Variants in CCDC180 observed in about 807,000 individuals in gnomAD.
The protein encoded by CCDC180 is coiled-coil domain containing 180.
A neutral mutation model predicts 209.2 loss-of-function variants in CCDC180; 154 were observed. The observed-to-expected ratio is 0.74, with a 90% CI of 0.65 to 0.84. The LOEUF (loss-of-function observed/expected upper bound fraction) is 0.84, where lower values mean the gene tolerates loss of function less well. Among genes scored for constraint, CCDC180 ranks in the 40% least tolerant of loss-of-function variants. The pLI, the probability that CCDC180 is intolerant of heterozygous loss-of-function variation, is 0.00. For synonymous variants in CCDC180, 778 were observed against 749.1 expected (o/e 1.04, Z -0.63); for missense variants, 1,874 against 1,997.3 (o/e 0.94, Z 1.18).
chr9:97,343,629 A>AG (rs1164632251), intron 19 of CCDC180, 66 bp downstream of exon 19: 1 of 980,512 alleles, frequency 1.0e-6, no homozygotes, highest in Non-Finnish European at 1.4e-6. Context: ...TGAAATATTA[A>AG]AAAAAAAAAA....
chr9:97,315,880 A>G (rs975753742), intron 8 of CCDC180, among the ~76,000 whole-genome samples: 13 of 152,230 alleles, frequency 8.5e-5, no homozygotes, highest in African/African-American at 3.1e-4. Context: ...ATGTTCCTCC[A>G]CTTACGATAG....
At chr9:97,314,581 C>T (rs1294131296) in intron 6 of CCDC180, 37 bp from the exon 7 acceptor site, 2 of 1,613,366 alleles carry the variant, frequency 1.2e-6, no homozygotes, top group Non-Finnish European at 1.7e-6. Flanking sequence ...CCCTGCCTCC[C>T]ACCGGCTCCT....
rs542133635 is a variant in CCDC180 at position 97,314,066 on chromosome 9, C to T, written c.460-327C>T. Among the ~76,000 whole-genome samples the T allele has an allele frequency of 2.6e-5, 4 of 152,358 alleles. 1 individual carries two copies. In the South Asian group the frequency reaches 8.3e-4, roughly 32 times the overall value. On this transcript the variant is annotated intron_variant, in intron 5 of 36. Transcript: ENST00000529487. ...TTGGTGAAGCCATCTACCTGAGCCT[C>T]AGTTTCCTCATCTGAAGTAAACCTG...
intron 3 of CCDC180, among the ~76,000 whole-genome samples, chr9:97,310,236 G>A (rs1429139184): frequency 6.6e-6 from 1 of 152,240 alleles, no homozygotes; most frequent in Non-Finnish European, 1.5e-5. Context: ...AGTTGTCCTT[G>A]TAACCTTGTT....
chr9:97,345,074 A>C (rs924781698), intron 19 of CCDC180, among the ~76,000 whole-genome samples: 2 of 152,184 alleles, frequency 1.3e-5, no homozygotes. Context: ...TTATAAAAAA[A>C]TGTTATCCAT....
intron 19 of CCDC180, chr9:97,343,764 G>A: frequency 1.8e-6 from 1 of 564,238 alleles, no homozygotes; most frequent in Non-Finnish European, 3.1e-6. Flanking sequence ...TATCTTCTGT[G>A]AGAGTGACCC....
intron 13 of CCDC180, 21 bp downstream of exon 13, chr9:97,323,924 C>T (rs1198125133): frequency 1.9e-6 from 3 of 1,550,540 alleles, no homozygotes; most frequent in East Asian, 4.9e-5. Flanking sequence ...GGGACTGTTC[C>T]ACTGGGGAGC....
At chr9:97,361,678 C>A in intron 26 of CCDC180, 48 bp from the exon 27 acceptor site, 1 of 1,593,364 alleles carries the variant, frequency 6.3e-7, no homozygotes, top group Non-Finnish European at 8.6e-7. Context: ...GCCTCGCTGG[C>A]ACCTGGGCTG....
intron 13 of CCDC180, among the ~76,000 whole-genome samples, chr9:97,324,235 A>G (rs1193126536): frequency 6.6e-6 from 1 of 152,116 alleles, no homozygotes; most frequent in Non-Finnish European, 1.5e-5. Context: ...GGGTTGGCTC[A>G]TGTTTTCTGT....
At position 97,366,116 on chromosome 9, in the gene CCDC180, C is replaced by A. The variant is rs574661503; in HGVS notation, c.4047+377C>A. On this transcript the variant is annotated intron_variant, in intron 30 of 36. Transcript: ENST00000529487. This position sits in a 1 kb window ranked among gnomAD's most constrained non-coding sequence, Gnocchi z 4.3. Reference sequence around the variant, plus strand: ...CAGACAAGCTGCCCAGTGCCCTGTTCCCACATGCCCTGCACCGTAGTGCGA... The same window carrying A: ...CAGACAAGCTGCCCAGTGCCCTGTTACCACATGCCCTGCACCGTAGTGCGA... Among the ~76,000 whole-genome samples, 4 of 152,306 alleles carry A rather than the reference C, an allele frequency of 2.6e-5. No homozygotes were observed. The highest frequency in any genetic ancestry group is 1.3e-4 in the Admixed American group (2 of 15,308).
intron 32 of CCDC180, 87 bp downstream of exon 32, chr9:97,370,169 T>C (rs1827039616): frequency 7.0e-7 from 1 of 1,426,630 alleles, no homozygotes; most frequent in Non-Finnish European, 9.5e-7. Flanking sequence ...CAGGGCCAAG[T>C]CCAAGGGAAG....
At chr9:97,350,957 A>C (rs541014331) in intron 22 of CCDC180, among the ~76,000 whole-genome samples, 7 of 152,230 alleles carry the variant, frequency 4.6e-5, no homozygotes, top group Non-Finnish European at 1.0e-4. Context: ...TTCAAGGTTC[A>C]TCCATGTATC....
At chr9:97,361,934 C>T (rs1383505292) in intron 27 of CCDC180, 36 bp downstream of exon 27, 1 of 1,601,696 alleles carries the variant, frequency 6.2e-7, no homozygotes, top group Admixed American at 1.7e-5. Context: ...GGCTCTGCCA[C>T]CCCTGCCCCT....
At position 97,371,882 on chromosome 9, in the gene CCDC180, G is replaced by A. The variant is rs78014462; in HGVS notation, c.4600+176G>A. 2,620 of 455,852 alleles carry A rather than the reference G, an allele frequency of 5.7e-3. 15 individuals are homozygous for A. Among genetic ancestry groups the A allele is most frequent in the Non-Finnish European group, 7.5e-3 (1,871 of 250,764 alleles). The allele number at this position is 455,852 out of a possible 1,614,324, so 28.2% of individuals were successfully genotyped here. ...TTTGATTAAAAAGCAAATGCCAGAT[G>A]GCTCAACGTTTATATATAAAAAATG... On this transcript the variant is annotated intron_variant, in intron 34 of 36. Transcript: ENST00000529487.
chr9:97,307,523 A>G (rs1205360556), upstream of CCDC180: 7 of 607,500 alleles, frequency 1.2e-5, no homozygotes, highest in East Asian at 1.7e-4. Context: ...AGCACACAGT[A>G]GGCGCCTAAT....
At chr9:97,364,207 G>A in intron 29 of CCDC180, 79 bp downstream of exon 29, 2 of 1,372,702 alleles carry the variant, frequency 1.5e-6, no homozygotes, top group South Asian at 2.5e-5. Flanking sequence ...CTCAGCTGAG[G>A]GGAAAAATCA....
Position 97,369,419 on chromosome 9 carries a change from T to TTATG in CCDC180, c.4190-502_4190-501insATGT, listed in dbSNP as rs377747441. The TTATG allele has an allele frequency of 4.2e-3, 549 of 130,718 alleles. 2 individuals are homozygous for TTATG. Among genetic ancestry groups the TTATG allele is most frequent in the East Asian group, 0.023 (93 of 4,108 alleles). 8.1% of individuals were successfully genotyped at this position (130,718 alleles called of 1,614,324 possible). A position where few individuals can be genotyped will look rare whatever the true frequency, so the allele number is the denominator to read the frequency against. ...CCTTTGAATTTATTTAAGCCTTTAT[T>TTATG]TTATGTTATGTTATGTTATGTTATG... On this transcript the variant is annotated intron_variant, in intron 31 of 36. Transcript: ENST00000529487.
intron 20 of CCDC180, 77 bp from the exon 21 acceptor site, chr9:97,349,034 C>G: frequency 7.4e-7 from 1 of 1,343,906 alleles, no homozygotes; most frequent in Non-Finnish European, 1.0e-6. Flanking sequence ...AGGCAGCAGG[C>G]GGGCCTTGTT....
At chr9:97,375,798 C>T (rs1827241304) in intron 36 of CCDC180, 2 of 614,504 alleles carry the variant, frequency 3.3e-6, no homozygotes, top group Middle Eastern at 4.4e-4. Context: ...AGGCGTGATC[C>T]CAATGCTGTG....
Sources: gnomAD v4.1 joint callset for allele counts (sites outside exome capture counted in the v4.1 genomes callset) on GRCh38, gnomAD v4.1.1 for gene constraint, Gnocchi (gnomAD v3.1) non-coding constraint, MANE v1.5 for transcripts, NCBI Gene and HGNC (gene_info 2026-07-23, HGNC 2026-07-21) for gene names.